The following TFEC variants were observed in gnomAD, a reference collection of about 807,000 sequenced individuals.
TFEC encodes the protein transcription factor EC.
Under a neutral mutation model 41.6 loss-of-function variants are expected in TFEC, and 31 were observed. The observed-to-expected ratio is 0.74, with a 90% CI of 0.56 to 1.01. The LOEUF (loss-of-function observed/expected upper bound fraction) is 1.01. Among genes scored for constraint, TFEC ranks in the 50% least tolerant of loss-of-function variants. The pLI, the probability that TFEC is intolerant of heterozygous loss-of-function variation, is 0.00. For synonymous variants in TFEC, 143 were observed against 140.6 expected (o/e 1.02, Z -0.12); for missense variants, 402 against 404.1 (o/e 0.99, Z 0.04).
intron 1 of TFEC, among the ~76,000 whole-genome samples, chr7:116,008,410 ACCATT>A (rs1419464954): frequency 2.0e-5 from 3 of 152,126 alleles, no homozygotes; most frequent in Non-Finnish European, 4.4e-5. Flanking sequence ...AAAAAGCAAG[ACCATT>A]CCATTCATTA....
chr7:116,079,988 G>A (rs893665227), intron 3 of TFEC, among the ~76,000 whole-genome samples: 1 of 152,052 alleles, frequency 6.6e-6, no homozygotes, highest in African/African-American at 2.4e-5. Flanking sequence ...TAGGCACATA[G>A]ACCAATGGAA....
intron 3 of TFEC, among the ~76,000 whole-genome samples, chr7:116,052,799 G>A (rs1032381076): frequency 1.3e-5 from 2 of 151,772 alleles, no homozygotes; most frequent in Non-Finnish European, 2.9e-5. Flanking sequence ...GCCGGGCGCA[G>A]TGGCTCACGC....
intron 3 of TFEC, among the ~76,000 whole-genome samples, chr7:116,037,972 G>T (rs556890669): frequency 6.6e-6 from 1 of 151,888 alleles, no homozygotes; most frequent in Non-Finnish European, 1.5e-5. Flanking sequence ...CATCTATCTC[G>T]ATGAGCTTCA....
chr7:116,048,397 T>C (rs1054526449), intron 3 of TFEC, among the ~76,000 whole-genome samples: 2 of 152,162 alleles, frequency 1.3e-5, no homozygotes, highest in Non-Finnish European at 2.9e-5. Context: ...GAAGATCAAA[T>C]GAATGAAATG....
chr7:116,074,817 C>T (rs1796916687), intron 3 of TFEC, among the ~76,000 whole-genome samples: 1 of 152,112 alleles, frequency 6.6e-6, no homozygotes, highest in Non-Finnish European at 1.5e-5. Context: ...AACTTCTACA[C>T]ATATATTATA....
At chr7:116,003,163 A>G (rs1156497657) in intron 1 of TFEC, among the ~76,000 whole-genome samples, 4 of 152,130 alleles carry the variant, frequency 2.6e-5, no homozygotes, top group Non-Finnish European at 5.9e-5. Context: ...GAAATGACAC[A>G]TATATAAATT....
At chr7:115,998,412 A>T (rs1794452630) in intron 1 of TFEC, among the ~76,000 whole-genome samples, 1 of 152,126 alleles carries the variant, frequency 6.6e-6, no homozygotes, top group Non-Finnish European at 1.5e-5. Context: ...AAAGGAAAGA[A>T]GGAAGAGAAG....
At chr7:116,088,815 A>G (rs1436327135) in intron 3 of TFEC, among the ~76,000 whole-genome samples, 1 of 151,964 alleles carries the variant, frequency 6.6e-6, no homozygotes, top group African/African-American at 2.4e-5. Flanking sequence ...ATACCCGCAG[A>G]GCACACACAT....
At chr7:115,970,623 A>T (rs1453958218) in intron 3 of TFEC, among the ~76,000 whole-genome samples, 1 of 152,048 alleles carries the variant, frequency 6.6e-6, no homozygotes, top group Non-Finnish European at 1.5e-5. Context: ...ATGATCTAGA[A>T]GGAGGAGCTA....
chr7:116,009,263 A>C (rs1333700461), intron 1 of TFEC, among the ~76,000 whole-genome samples: 1 of 152,176 alleles, frequency 6.6e-6, no homozygotes, highest in Non-Finnish European at 1.5e-5. Flanking sequence ...TAATTTTTTA[A>C]GATGTAAACT....
chr7:116,110,872 G>C, exon 3 of TFEC: 1 of 1,540,058 alleles, frequency 6.5e-7, no homozygotes, highest in Non-Finnish European at 8.7e-7. Flanking sequence ...TGTTCTTTCA[G>C]CTGAAATTGA....
At position 115,950,945 on chromosome 7, in the gene TFEC, T is replaced by C. The variant is rs1791905104; in HGVS notation, c.444A>G (p.Glu148=). ...AATTAATATTATACCTTCTTCTTCT[T>C]TCAACTATTAAAGAAGAAATATTAT... The part of the protein sequence containing the change: ...RQKKDNHNLI[E]RRRRYNINYR... The change falls in exon 6 of 8, where the codon GAA becomes GAG. Residue 148 remains glutamate (E), a synonymous_variant. Transcript: ENST00000265440. 6.4e-7 allele frequency: 1 copy of C among 1,572,672 alleles called. No individual in the cohort carries two copies. Among genetic ancestry groups the C allele is most frequent in the Non-Finnish European group, 8.7e-7 (1 of 1,148,824 alleles).
intron 7 of TFEC, 200 bp from the exon 8 acceptor site, chr7:115,941,131 A>T (rs1299826165): frequency 1.8e-5 from 10 of 563,350 alleles, no homozygotes; most frequent in Non-Finnish European, 2.9e-5. Flanking sequence ...AATTACTCAG[A>T]CTTTTTTTTA....
chr7:116,072,412 C>T (rs767314944), intron 3 of TFEC, among the ~76,000 whole-genome samples: 49 of 151,502 alleles, frequency 3.2e-4, no homozygotes, highest in Admixed American at 4.6e-4. Context: ...ATATTAAATG[C>T]ATTATTTTTA....
At chr7:116,126,576 C>T (rs987444188) in intron 1 of TFEC, among the ~76,000 whole-genome samples, 1 of 151,962 alleles carries the variant, frequency 6.6e-6, no homozygotes. Flanking sequence ...GAAAAAAGAA[C>T]ACAATAGCAA....
intron 1 of TFEC, among the ~76,000 whole-genome samples, chr7:116,126,474 T>C (rs1798210922): frequency 6.6e-6 from 1 of 152,106 alleles, no homozygotes; most frequent in Admixed American, 6.5e-5. Context: ...ACATTATTTT[T>C]AGAACTGAAG....
intron 1 of TFEC, among the ~76,000 whole-genome samples, chr7:116,142,272 G>T (rs1308692634): frequency 1.3e-5 from 2 of 152,058 alleles, no homozygotes; most frequent in African/African-American, 4.8e-5. Flanking sequence ...TATGACATAC[G>T]CTAGCCATAA....
At chr7:115,953,183 G>GCTGCAGAAAGAACAGTGGGGGA (rs370403275) in intron 5 of TFEC, among the ~76,000 whole-genome samples, 28 of 152,028 alleles carry the variant, frequency 1.8e-4, no homozygotes, top group Non-Finnish European at 2.4e-4. Flanking sequence ...ACAGTGGGGG[G>GCTGCAGAAAGAACAGTGGGGGA]CTGCAAGCTG....
chr7:115,947,302 C>G (rs1791643597), intron 6 of TFEC, among the ~76,000 whole-genome samples: 1 of 151,614 alleles, frequency 6.6e-6, no homozygotes, highest in Non-Finnish European at 1.5e-5. Context: ...GCCACATTTT[C>G]TTAATCCAGT....
Sources: gnomAD v4.1 joint callset for allele counts (sites outside exome capture counted in the v4.1 genomes callset) on GRCh38, gnomAD v4.1.1 for gene constraint, MANE v1.5 for transcripts, NCBI Gene and HGNC (gene_info 2026-07-23, HGNC 2026-07-21) for gene names.